PLBD2: variants seen among roughly 807,000 people sequenced by gnomAD.
PLBD2 encodes phospholipase B domain containing 2.
In PLBD2, 51 loss-of-function variants were observed where a neutral mutation model predicts 68.3. That is an observed-to-expected ratio of 0.75 (90% CI 0.60 to 0.94). The LOEUF (loss-of-function observed/expected upper bound fraction) is 0.94. Among genes scored for constraint, PLBD2 ranks in the 40% least tolerant of loss-of-function variants. The probability of loss-of-function intolerance (pLI) is 0.00; values close to 1 mark genes in which losing one functional copy is unlikely to be tolerated. For synonymous variants in PLBD2, 314 were observed against 339.3 expected (o/e 0.93, Z 0.82); for missense variants, 729 against 792.2 (o/e 0.92, Z 0.96).
chr12:113,380,735 G>A lies in PLBD2; in HGVS notation c.860-10G>A, dbSNP rs530708530. On this transcript the variant is annotated splice_polypyrimidine_tract_variant and intron_variant, in intron 5 of 11. Coordinates refer to ENST00000280800, the MANE Select transcript of PLBD2 (RefSeq NM_173542.4). ...CTGACCAGCATCCCTGGCTCGCTCT[G>A]CCTGCACAGGGGACTACCCGCTGGT... The A allele has an allele frequency of 1.2e-5, 18 of 1,547,600 alleles. No individual in the cohort carries two copies. In the East Asian group the frequency reaches 3.7e-4, roughly 32 times the overall value.
chr12:113,361,329 T>G (rs990478244), intron 1 of PLBD2, among the ~76,000 whole-genome samples: 9 of 148,076 alleles, frequency 6.1e-5, no homozygotes, highest in Admixed American at 2.0e-4. Context: ...TAAAAAAGGT[T>G]TTTTTTTTTT....
intron 1 of PLBD2, chr12:113,359,264 T>C (rs1453607509): frequency 5.0e-6 from 1 of 198,462 alleles, no homozygotes; most frequent in South Asian, 1.1e-4. Context: ...CCTCACCCCA[T>C]GGAGGCCAGC....
In PLBD2 at chr12:113,380,681, A is replaced by G. The variant is rs1957479789; in HGVS notation, c.860-64A>G. ...CCCCTGTGCCTGTGTCTTGTTAGGT[A>G]GGGTGCAGGGGCCTCCACCTGTGCC... is the stretch of plus-strand genomic sequence containing the variant. On this transcript the variant is annotated intron_variant, in intron 5 of 11. Coordinates refer to ENST00000280800, the MANE Select transcript of PLBD2 (RefSeq NM_173542.4). 1.2e-5 allele frequency: 16 copies of G among 1,310,828 alleles called. No homozygotes were observed. The South Asian group carries it at 1.4e-4, about 11-fold the overall frequency. The allele number at this position is 1,310,828 out of a possible 1,614,324, so 81.2% of individuals were successfully genotyped here.
At chr12:113,381,773 A>G (rs917020714) in intron 6 of PLBD2, among the ~76,000 whole-genome samples, 1 of 152,236 alleles carries the variant, frequency 6.6e-6, no homozygotes, top group Admixed American at 6.5e-5. Flanking sequence ...TGGGCAGTCC[A>G]GGAGGCTGTT....
chr12:113,385,420 C>A, intron 9 of PLBD2, 137 bp downstream of exon 9: 2 of 796,262 alleles, frequency 2.5e-6, no homozygotes, highest in Non-Finnish European at 2.0e-6. Flanking sequence ...GCCAGGAGAG[C>A]CCAGACAGTT....
rs777141455 is a variant in PLBD2, at chr12:113,366,918, C to G, written c.291-2198C>G. Reference sequence around the variant, plus strand: ...TCACTGCAACCTCCGCCTCCCAGTTCAAGCGATTCTCCTGCCTCAGGCTCC... The same window carrying G: ...TCACTGCAACCTCCGCCTCCCAGTTGAAGCGATTCTCCTGCCTCAGGCTCC... On this transcript the variant is annotated intron_variant, in intron 1 of 11. Transcript: ENST00000280800. Among the ~76,000 whole-genome samples the G allele has an allele frequency of 2.2e-4, 34 of 152,074 alleles. 1 individual carries two copies. The highest frequency in any genetic ancestry group is 3.7e-4 in the Non-Finnish European group (25 of 68,020).
intron 2 of PLBD2, among the ~76,000 whole-genome samples, chr12:113,370,419 A>T (rs1489334012): frequency 6.9e-6 from 1 of 145,050 alleles, no homozygotes; most frequent in African/African-American, 2.6e-5. Flanking sequence ...AGAATATGTT[A>T]TATATTTTTT....
rs775515722 is a variant in PLBD2 at position 113,384,101 on chromosome 12, A to C, written c.958-4A>C. 1.2e-6 allele frequency: 2 copies of C among 1,601,116 alleles called. No homozygotes were observed. Among genetic ancestry groups the C allele is most frequent in the African/African-American group, 2.7e-5 (2 of 74,304 alleles). ...GTGCAGCAGCCCCCTTGACCTTCCC[A>C]CAGGTGACACTGGAGACCACCATTG... is the stretch of plus-strand genomic sequence containing the variant. On this transcript the variant is annotated splice_polypyrimidine_tract_variant and splice_region_variant and intron_variant, in intron 6 of 11. Transcript: ENST00000280800. This position sits in a 1 kb window ranked among gnomAD's most constrained non-coding sequence, Gnocchi z 4.2.
intron 11 of PLBD2, among the ~76,000 whole-genome samples, 192 bp from the exon 12 acceptor site, chr12:113,388,267 G>A (rs1158016805): frequency 2.0e-5 from 3 of 152,030 alleles, no homozygotes; most frequent in Admixed American, 2.0e-4. Context: ...GCTTGAACCC[G>A]GGAGGCAGAG....
At chr12:113,368,714 G>A (rs1479255621) in intron 1 of PLBD2, among the ~76,000 whole-genome samples, 2 of 152,166 alleles carry the variant, frequency 1.3e-5, no homozygotes, top group Non-Finnish European at 2.9e-5. Context: ...TCTTCTGCAA[G>A]AGGGACAAGA....
In PLBD2 at chr12:113,388,456, C is replaced by T; in HGVS notation, c.1603-3C>T. ...CTCAGCTGCGGCTCTGCCCTGTCCC[C>T]AGGTGACCAGCATGTCACTGGCCAG... On this transcript the variant is annotated splice_region_variant and splice_polypyrimidine_tract_variant and intron_variant, in intron 11 of 11. Transcript: ENST00000280800. The T allele has an allele frequency of 6.3e-7, 1 of 1,581,536 alleles. No homozygotes were observed. Among genetic ancestry groups the T allele is most frequent in the Middle Eastern group, 1.7e-4 (1 of 5,746 alleles).
chr12:113,375,051 G>C, intron 5 of PLBD2, 44 bp downstream of exon 5: 1 of 1,578,474 alleles, frequency 6.3e-7, no homozygotes, highest in Non-Finnish European at 8.7e-7. Flanking sequence ...AGGTGGGTGG[G>C]CACACACGTG....
At chr12:113,375,650 A>T (rs956518683) in intron 5 of PLBD2, among the ~76,000 whole-genome samples, 2 of 152,132 alleles carry the variant, frequency 1.3e-5, no homozygotes, top group Non-Finnish European at 2.9e-5. Context: ...ATGCATCAGC[A>T]GTCTGCTGGC....
chr12:113,373,821 G>A (rs889435059), intron 3 of PLBD2, among the ~76,000 whole-genome samples: 3 of 125,344 alleles, frequency 2.4e-5, no homozygotes, highest in Admixed American at 8.9e-5. Flanking sequence ...TCACACACCC[G>A]TCCATCCATC....
At chr12:113,360,399 G>A (rs924508228) in intron 1 of PLBD2, among the ~76,000 whole-genome samples, 1 of 152,268 alleles carries the variant, frequency 6.6e-6, no homozygotes, top group Non-Finnish European at 1.5e-5. Flanking sequence ...GCAGGAGCGA[G>A]GCCCAGCATG....
chr12:113,362,818 T>G (rs117486244), intron 1 of PLBD2, among the ~76,000 whole-genome samples: 12,272 of 151,382 alleles, frequency 0.081, 713 homozygotes, highest in South Asian at 0.19. Flanking sequence ...TAGAGTCTGC[T>G]CTGTTACCCA....
rs147030243 is a variant in PLBD2, at chr12:113,372,956, A to G, written c.543+149A>G. On this transcript the variant is annotated intron_variant, in intron 3 of 11. Transcript: ENST00000280800. This position sits in a 1 kb window ranked among gnomAD's most constrained non-coding sequence, Gnocchi z 4.2. ...CTCCATCCCTCCTAGCCGACCTGCC[A>G]CTCATCCATCTGCCCAGTCTCCATC... 277 of 870,048 alleles carry G rather than the reference A, an allele frequency of 3.2e-4. No homozygotes were observed. The African/African-American group carries it at 4.2e-3, about 13-fold the overall frequency. 53.9% of individuals were successfully genotyped at this position (870,048 alleles called of 1,614,324 possible).
In PLBD2 at chr12:113,386,911, T is replaced by G. The variant is rs960090514; in HGVS notation, c.1287-26T>G. On this transcript the variant is annotated intron_variant, in intron 9 of 11. Coordinates refer to ENST00000280800, the MANE Select transcript of PLBD2 (RefSeq NM_173542.4). ...GGCTGAGTGAGGCCAGTGGGGGTCA[T>G]GGGTGACCATCCTTGTCCCCGGCAG... is the stretch of plus-strand genomic sequence containing the variant. 4 of 1,610,246 alleles carry G rather than the reference T, an allele frequency of 2.5e-6. No individual in the cohort carries two copies. In the African/African-American group the frequency reaches 4.0e-5, roughly 16 times the overall value.
intron 6 of PLBD2, among the ~76,000 whole-genome samples, chr12:113,382,475 C>T (rs1448168201): frequency 6.6e-6 from 1 of 151,838 alleles, no homozygotes; most frequent in African/African-American, 2.4e-5. Context: ...TAGGATCTCA[C>T]ACTGTCATGC....
Sources: allele counts gnomAD v4.1 joint callset (sites outside exome capture counted in the v4.1 genomes callset), GRCh38; gene constraint gnomAD v4.1.1; non-coding constraint Gnocchi (gnomAD v3.1); transcripts MANE v1.5; gene names NCBI Gene and HGNC (gene_info 2026-07-23, HGNC 2026-07-21).